The following LRRC58 variants were observed in gnomAD, a reference collection of about 807,000 sequenced individuals.
LRRC58 encodes the protein leucine rich repeat containing 58.
Under a neutral mutation model 30.6 loss-of-function variants are expected in LRRC58, and 18 were observed. The observed-to-expected ratio is 0.59, with a 90% CI of 0.41 to 0.87. The LOEUF is 0.87. Among genes scored for constraint, LRRC58 ranks in the 40% least tolerant of loss-of-function variants. The pLI is 0.00. For missense variants in LRRC58, 420 were observed against 468.4 expected (o/e 0.90, Z 0.95); for synonymous variants, 221 against 206.0 (o/e 1.07, Z -0.62).
rs1935661453 is a variant in LRRC58, at chr3:120,325,489, C to A, written c.*5711G>T. On this transcript the variant is annotated 3_prime_UTR_variant, in exon 4 of 4. Transcript: ENST00000295628. ...CTGGATTGAATACTATCCTTTACAA[C>A]AACTATTGAGAAAGACTAATGTTAG... is the stretch of plus-strand genomic sequence containing the variant. The A allele has an allele frequency of 6.6e-6, 1 of 152,120 alleles. No homozygotes were observed. Among genetic ancestry groups the A allele is most frequent in the Non-Finnish European group, 1.5e-5 (1 of 68,008 alleles). The allele number at this position is 152,120 out of a possible 1,614,324, so 9.4% of individuals were successfully genotyped here. A position where few individuals can be genotyped will look rare whatever the true frequency, so the allele number is the denominator to read the frequency against.
chr3:120,338,606 G>C (rs572850161), intron 1 of LRRC58, among the ~76,000 whole-genome samples: 1 of 152,324 alleles, frequency 6.6e-6, no homozygotes, highest in East Asian at 1.9e-4. Context: ...TCTGAACAGA[G>C]ATCTAAATGA....
At chr3:120,346,370 T>A (rs1935969097) in intron 1 of LRRC58, among the ~76,000 whole-genome samples, 1 of 152,128 alleles carries the variant, frequency 6.6e-6, no homozygotes. Flanking sequence ...AACTCAAGGG[T>A]TTGGAGTCAC....
intron 1 of LRRC58, among the ~76,000 whole-genome samples, chr3:120,342,545 G>T (rs1256460312): frequency 2.6e-5 from 4 of 152,154 alleles, no homozygotes; most frequent in Admixed American, 2.0e-4. Flanking sequence ...ATATCCGAAT[G>T]ACTTGCTTGA....
intron 3 of LRRC58, among the ~76,000 whole-genome samples, chr3:120,333,742 T>G (rs1935793855): frequency 6.6e-6 from 1 of 152,142 alleles, no homozygotes; most frequent in Non-Finnish European, 1.5e-5. Context: ...ACCCTGGCCC[T>G]TCAGGCTCTT....
chr3:120,341,260 A>G (rs1003445258), intron 1 of LRRC58, among the ~76,000 whole-genome samples: 4 of 152,326 alleles, frequency 2.6e-5, no homozygotes, highest in African/African-American at 9.6e-5. Flanking sequence ...ACAGAATACA[A>G]TATTTGGAGT....
rs1196876352 is a variant in LRRC58, at chr3:120,329,339, A to G, written c.*1861T>C. 6.6e-6 allele frequency: 1 copy of G among 152,198 alleles called. No homozygotes were observed. Among genetic ancestry groups the G allele is most frequent in the East Asian group, 1.9e-4 (1 of 5,180 alleles). The allele number at this position is 152,198 out of a possible 1,614,324, so 9.4% of individuals were successfully genotyped here. On this transcript the variant is annotated 3_prime_UTR_variant, in exon 4 of 4. Transcript: ENST00000295628. ...CAGTCTGCAGCTTGCTGTGGCCCAC[A>G]TGGAGAAGTAAGCAAAGACTTTATA...
rs779031491 is a variant in LRRC58, at chr3:120,340,942, G to A, written c.501-4989C>T. On this transcript the variant is annotated intron_variant, in intron 1 of 3. Coordinates refer to ENST00000295628, the MANE Select transcript of LRRC58 (RefSeq NM_001099678.2). Reference sequence around the variant, plus strand: ...ATATTAATGACACTTTTAAAAAAACGTATCTCTGATCGTGTAAAGCTTTTC... The same window carrying A: ...ATATTAATGACACTTTTAAAAAAACATATCTCTGATCGTGTAAAGCTTTTC... 1.1e-4 allele frequency among the ~76,000 whole-genome samples: 16 copies of A among 152,178 alleles called. 1 individual carries two copies. The highest frequency in any genetic ancestry group is 2.4e-4 in the African/African-American group (10 of 41,532).
rs1405815721 is a variant in LRRC58, at chr3:120,330,070, T to C, written c.*1130A>G. 1 of 152,078 alleles carries C rather than the reference T, an allele frequency of 6.6e-6. No individual in the cohort carries two copies. The highest frequency in any genetic ancestry group is 2.4e-5 in the African/African-American group (1 of 41,452). 9.4% of individuals were successfully genotyped at this position (152,078 alleles called of 1,614,324 possible). ...ATTAGGTATAAGGACAATGACTCCTTTTCTCCATTTTTATTTGGCTTGTTG... is the reference window on the plus strand; with the variant it reads ...ATTAGGTATAAGGACAATGACTCCTCTTCTCCATTTTTATTTGGCTTGTTG... On this transcript the variant is annotated 3_prime_UTR_variant, in exon 4 of 4. Transcript: ENST00000295628.
In LRRC58 at chr3:120,349,226, T is replaced by C. The variant is rs1399680710; in HGVS notation, c.18A>G (p.Ala6=). MEEAG[A]AVVTAGEAEL... Reference sequence around the variant, plus strand: ...CGGCCTCCCCGGCCGTGACCACCGCTGCTCCGGCCTCCTCCATCCTGGCCA... The same window carrying C: ...CGGCCTCCCCGGCCGTGACCACCGCCGCTCCGGCCTCCTCCATCCTGGCCA... The change falls in exon 1 of 4, where the codon GCA becomes GCG. Residue 6 remains alanine, a synonymous_variant. Transcript: ENST00000295628. 7.1e-7 allele frequency: 1 copy of C among 1,409,960 alleles called. No individual in the cohort carries two copies. The highest frequency in any genetic ancestry group is 3.2e-5 in the Admixed American group (1 of 31,594). 87.3% of individuals were successfully genotyped at this position (1,409,960 alleles called of 1,614,324 possible). A position where few individuals can be genotyped will look rare whatever the true frequency, so the allele number is the denominator to read the frequency against.
At chr3:120,346,026 G>A (rs1434527425) in intron 1 of LRRC58, among the ~76,000 whole-genome samples, 1 of 152,188 alleles carries the variant, frequency 6.6e-6, no homozygotes, top group East Asian at 1.9e-4. Context: ...GCAGAGGTGG[G>A]TGGATCACTT....
chr3:120,336,507 T>G (rs536772847), intron 1 of LRRC58, among the ~76,000 whole-genome samples: 4 of 152,322 alleles, frequency 2.6e-5, no homozygotes, highest in Admixed American at 2.6e-4. Flanking sequence ...TCTATGCTAG[T>G]ATGCTTGGAT....
rs767674607 is a variant in LRRC58, at chr3:120,331,380, T to C, written c.936A>G (p.Gln312=). The C allele has an allele frequency of 5.6e-6, 9 of 1,613,750 alleles. No homozygotes were observed. In the Admixed American group the frequency reaches 6.7e-5, roughly 12 times the overall value. ...TCCCACAGAAGTCCACAAATTTAAT[T>C]TGTCTGACACAGCAGTCAAAGTAGA... ...GGVYFDCCVR[Q]IKFVDFCGKY... Residue 312 remains glutamine (Q), a synonymous_variant, in exon 4 of 4, where the codon CAA becomes CAG. Coordinates refer to ENST00000295628, the MANE Select transcript of LRRC58 (RefSeq NM_001099678.2).
rs1576180660 is a variant in LRRC58, at chr3:120,331,397, C to G, written c.919G>C (p.Asp307His). The change falls in exon 4 of 4, where the codon GAC becomes CAC. Residue 307 changes from aspartate to histidine, a missense_variant. This residue lies in a region of LRRC58 where 154 missense variants were observed against 216.8 expected (regional missense o/e 0.71). Coordinates refer to ENST00000295628, the MANE Select transcript of LRRC58 (RefSeq NM_001099678.2). The part of the protein sequence containing the change: ...PNPKCGGVYF[D>H]CCVRQIKFVD... ...AATTTAATTTGTCTGACACAGCAGT[C>G]AAAGTAGACTCCTAAAGAGAAGAAG... The G allele has an allele frequency of 6.2e-7, 1 of 1,612,976 alleles. No individual in the cohort carries two copies. Among genetic ancestry groups the G allele is most frequent in the East Asian group, 2.2e-5 (1 of 44,870 alleles).
Position 120,348,863 on chromosome 3 carries a change from G to T in LRRC58, c.381C>A (p.Leu127=). 6.2e-7 allele frequency: 1 copy of T among 1,600,866 alleles called. No homozygotes were observed. The change falls in exon 1 of 4, where the codon CTC becomes CTA. Residue 127 remains leucine (L), a synonymous_variant. Coordinates refer to ENST00000295628, the MANE Select transcript of LRRC58 (RefSeq NM_001099678.2). ...GCACCTCCTGGAAACAGTTGCCGCT[G>T]AGGTTGAGCACCTGGAGGCTGCGGC... ...PLCRSLQVLN[L]SGNCFQEVPA... is the part of the protein sequence containing the mutation.
intron 3 of LRRC58, among the ~76,000 whole-genome samples, chr3:120,333,998 T>C (rs1559993386): frequency 6.6e-6 from 1 of 152,236 alleles, no homozygotes; most frequent in Non-Finnish European, 1.5e-5. Flanking sequence ...AGAAGCATTT[T>C]GAATTCCTTG....
chr3:120,343,415 T>A (rs1428944558), intron 1 of LRRC58, among the ~76,000 whole-genome samples: 1 of 152,226 alleles, frequency 6.6e-6, no homozygotes, highest in African/African-American at 2.4e-5. Flanking sequence ...GTTTAAGTTC[T>A]TGTGGTTATC....
At chr3:120,340,590 A>G (rs1035852996) in intron 1 of LRRC58, among the ~76,000 whole-genome samples, 2 of 152,170 alleles carry the variant, frequency 1.3e-5, no homozygotes, top group Admixed American at 6.5e-5. Flanking sequence ...TAAAAAATAC[A>G]TTAGGTCAGG....
In LRRC58 at chr3:120,329,946, A is replaced by G. The variant is rs1270395831; in HGVS notation, c.*1254T>C. Reference sequence around the variant, plus strand: ...ATTTGTGAAACTATTTTCCTGCTATACATTAAGGATACAATATATTTAATA... The same window carrying G: ...ATTTGTGAAACTATTTTCCTGCTATGCATTAAGGATACAATATATTTAATA... On this transcript the variant is annotated 3_prime_UTR_variant, in exon 4 of 4. Coordinates refer to ENST00000295628, the MANE Select transcript of LRRC58 (RefSeq NM_001099678.2). 6.6e-6 allele frequency: 1 copy of G among 152,020 alleles called. No individual in the cohort carries two copies. The highest frequency in any genetic ancestry group is 1.5e-5 in the Non-Finnish European group (1 of 67,914). The allele number at this position is 152,020 out of a possible 1,614,324, so 9.4% of individuals were successfully genotyped here.
Position 120,326,068 on chromosome 3 carries a change from CTAGAG to C in LRRC58, c.*5127_*5131del, listed in dbSNP as rs1199424124. On this transcript the variant is annotated 3_prime_UTR_variant, in exon 4 of 4. Transcript: ENST00000295628. ...TAATATAGCTCTCCAAACTTTGGGTCTAGAGTAGAGGATTTAAGGCACATACTTCC... is the reference window on the plus strand; with the variant it reads ...TAATATAGCTCTCCAAACTTTGGGTCTAGAGGATTTAAGGCACATACTTCC... 1 of 152,074 alleles carries C rather than the reference CTAGAG, an allele frequency of 6.6e-6. No individual in the cohort carries two copies. The highest frequency in any genetic ancestry group is 1.5e-5 in the Non-Finnish European group (1 of 68,014). The allele number at this position is 152,074 out of a possible 1,614,324, so 9.4% of individuals were successfully genotyped here.
Sources: gnomAD v4.1 joint callset for allele counts (sites outside exome capture counted in the v4.1 genomes callset) on GRCh38, gnomAD v4.1.1 for gene constraint, gnomAD v4.1.1 regional missense constraint, MANE v1.5 for transcripts, NCBI Gene and HGNC (gene_info 2026-07-23, HGNC 2026-07-21) for gene names.